PCDH9: variants seen among roughly 807,000 people sequenced by gnomAD.
PCDH9 encodes the protein protocadherin-9.
In PCDH9, 24 loss-of-function variants were observed where a neutral mutation model predicts 70.6. That is an observed-to-expected ratio of 0.34 (90% CI 0.25 to 0.48). PCDH9 has a LOEUF of 0.48. Ranked by LOEUF, PCDH9 falls within the 20% of genes least tolerant of loss-of-function variation. The probability of loss-of-function intolerance (pLI) is 0.99; values close to 1 mark genes in which losing one functional copy is unlikely to be tolerated. For missense variants in PCDH9, 1,281 were observed against 1,503.6 expected, an observed-to-expected ratio of 0.85 and a Z score of 2.45; for synonymous variants, 562 against 558.5, an observed-to-expected ratio of 1.01 and a Z score of -0.09.
At chr13:66,741,332 G>A (rs1259850709) in intron 3 of PCDH9, among the ~76,000 whole-genome samples, 1 of 13,554 alleles carries the variant, frequency 7.4e-5, no homozygotes, top group Non-Finnish European at 6.0e-3. Flanking sequence ...GGTACTGATG[G>A]GACATATCTC....
intron 4 of PCDH9, among the ~76,000 whole-genome samples, chr13:66,462,364 C>T (rs553574580): frequency 6.6e-6 from 1 of 151,906 alleles, no homozygotes; most frequent in East Asian, 1.9e-4. Flanking sequence ...GTGCCGTTAT[C>T]AGAAATAAGG....
At chr13:66,388,627 C>T (rs986798111) in intron 4 of PCDH9, among the ~76,000 whole-genome samples, 6 of 151,970 alleles carry the variant, frequency 3.9e-5, no homozygotes, top group African/African-American at 7.2e-5. Flanking sequence ...CCAAGTGATG[C>T]GATTTAATAT....
At chr13:66,622,770 G>A (rs964783735) in intron 4 of PCDH9, among the ~76,000 whole-genome samples, 2 of 152,156 alleles carry the variant, frequency 1.3e-5, no homozygotes, top group Admixed American at 6.5e-5. Flanking sequence ...CAGGCTGCCC[G>A]GGCAGGCAGT....
intron 4 of PCDH9, among the ~76,000 whole-genome samples, chr13:66,469,071 A>G (rs114154815): frequency 4.1e-4 from 63 of 152,238 alleles, no homozygotes; most frequent in African/African-American, 1.4e-3. Context: ...CAGAATTTGA[A>G]TTAAAAATAT....
chr13:66,425,559 G>GAA (rs543657712), intron 4 of PCDH9, among the ~76,000 whole-genome samples: 2 of 137,486 alleles, frequency 1.5e-5, no homozygotes, highest in Non-Finnish European at 3.2e-5. Context: ...TTCAGAAAAC[G>GAA]AAAAAAAAAA....
chr13:66,421,733 A>G (rs1957570462), intron 4 of PCDH9, among the ~76,000 whole-genome samples: 1 of 152,216 alleles, frequency 6.6e-6, no homozygotes, highest in African/African-American at 2.4e-5. Context: ...GACCATTGAC[A>G]CTATGAAGAA....
chr13:67,200,388 A>C (rs9317650), intron 2 of PCDH9, among the ~76,000 whole-genome samples: 78,280 of 151,794 alleles, frequency 0.52, 21,028 homozygotes, highest in Middle Eastern at 0.71. Flanking sequence ...CAGCAGGTTT[A>C]ATAAGGTGGT....
chr13:66,918,891 A>G (rs1594259194), intron 2 of PCDH9, among the ~76,000 whole-genome samples: 1 of 151,348 alleles, frequency 6.6e-6, no homozygotes, highest in East Asian at 1.9e-4. Flanking sequence ...TGCACTTTGG[A>G]AGGAGTATTC....
At chr13:66,367,156 A>T (rs961271631) in intron 4 of PCDH9, among the ~76,000 whole-genome samples, 6 of 152,076 alleles carry the variant, frequency 3.9e-5, no homozygotes, top group Non-Finnish European at 8.8e-5. Flanking sequence ...CCAATGTTAA[A>T]CGTATATTAT....
intron 3 of PCDH9, among the ~76,000 whole-genome samples, chr13:66,894,634 G>T (rs1004482308): frequency 2.6e-5 from 4 of 151,986 alleles, no homozygotes; most frequent in Admixed American, 2.0e-4. Context: ...CACAGCCTCT[G>T]ATGTTATTAT....
rs186989176 is a variant in PCDH9 at position 67,097,384 on chromosome 13, T to C, written c.3036+128021A>G. Among the ~76,000 whole-genome samples, 220 of 152,316 alleles carry C rather than the reference T, an allele frequency of 1.4e-3. 12 individuals are homozygous for C. The highest frequency in any genetic ancestry group is 2.8e-3 in the Admixed American group (43 of 15,292). On this transcript the variant is annotated intron_variant, in intron 2 of 4. Transcript: ENST00000377865. ...AGTTATGGGCAATTTAAGAATTTTA[T>C]CTGCATTACAAAGCAAATGACATAT...
chr13:66,824,498 A>C (rs2080775784), intron 3 of PCDH9, among the ~76,000 whole-genome samples: 2 of 149,222 alleles, frequency 1.3e-5, no homozygotes, highest in Non-Finnish European at 3.0e-5. Flanking sequence ...TCTACTAAAA[A>C]TACAAAAATT....
At chr13:66,377,587 C>G (rs1013026569) in intron 4 of PCDH9, among the ~76,000 whole-genome samples, 6 of 152,156 alleles carry the variant, frequency 3.9e-5, no homozygotes, top group African/African-American at 1.2e-4. Flanking sequence ...TGGCTGTCCA[C>G]TGATGCATCC....
intron 4 of PCDH9, among the ~76,000 whole-genome samples, chr13:66,347,542 T>C (rs565011844): frequency 4.6e-5 from 7 of 152,346 alleles, no homozygotes; most frequent in African/African-American, 1.7e-4. Flanking sequence ...AGAAATTATC[T>C]ACAAACAAAA....
intron 4 of PCDH9, among the ~76,000 whole-genome samples, chr13:66,424,066 C>T (rs1210751442): frequency 6.6e-6 from 1 of 152,084 alleles, no homozygotes; most frequent in Non-Finnish European, 1.5e-5. Flanking sequence ...TGAGCCAACT[C>T]CCATTCACAA....
chr13:66,439,440 T>C lies in PCDH9; in HGVS notation c.3341-134412A>G, dbSNP rs370792119. 2.6e-5 allele frequency among the ~76,000 whole-genome samples: 4 copies of C among 152,308 alleles called. No homozygotes were observed. The East Asian group carries it at 5.8e-4, about 22-fold the overall frequency. On this transcript the variant is annotated intron_variant, in intron 4 of 4. Transcript: ENST00000377865. ...TTCTAAGAGTAGATTTCAGATGTTCTCTCCACAGAAATAAAATAGGTAACT... is the reference window on the plus strand; with the variant it reads ...TTCTAAGAGTAGATTTCAGATGTTCCCTCCACAGAAATAAAATAGGTAACT...
intron 2 of PCDH9, among the ~76,000 whole-genome samples, chr13:67,196,000 A>G (rs1225825145): frequency 6.6e-6 from 1 of 152,198 alleles, no homozygotes; most frequent in Non-Finnish European, 1.5e-5. Flanking sequence ...CTTAAGTTGT[A>G]AAAAATAAAG....
chr13:66,519,897 G>GA (rs1330874891), intron 4 of PCDH9, among the ~76,000 whole-genome samples: 8 of 149,790 alleles, frequency 5.3e-5, no homozygotes, highest in Non-Finnish European at 1.2e-4. Flanking sequence ...TATTAAAACA[G>GA]AATCTACACT....
intron 3 of PCDH9, among the ~76,000 whole-genome samples, chr13:66,826,396 A>T (rs901332131): frequency 2.7e-4 from 41 of 152,326 alleles, no homozygotes; most frequent in African/African-American, 8.7e-4. Context: ...TTAGTAAAAG[A>T]GATAATATAA....
Sources: gnomAD v4.1 joint callset for allele counts (sites outside exome capture counted in the v4.1 genomes callset) on GRCh38, gnomAD v4.1.1 for gene constraint, MANE v1.5 for transcripts, NCBI Gene and HGNC (gene_info 2026-07-23, HGNC 2026-07-21) for gene names.